IQUB: variants seen among roughly 807,000 people sequenced by gnomAD.
The protein encoded by IQUB is IQ motif and ubiquitin domain containing.
A neutral mutation model predicts 86.4 loss-of-function variants in IQUB; 86 were observed. That is an observed-to-expected ratio of 1.00 (90% confidence interval 0.84 to 1.19). The LOEUF is 1.19. Ranked by LOEUF, IQUB falls within the 50% of genes most tolerant of loss-of-function variation. The pLI is 0.00. For synonymous variants in IQUB, 289 were observed against 304.5 expected (o/e 0.95, Z 0.53); for missense variants, 946 against 916.9 (o/e 1.03, Z -0.41).
chr7:123,496,668 T>G (rs770143727), intron 7 of IQUB, 28 bp downstream of exon 7: 2 of 1,330,706 alleles, frequency 1.5e-6, no homozygotes, highest in Non-Finnish European at 2.1e-6. Context: ...TTTAAAAATA[T>G]TTTTTGCAAA....
chr7:123,502,315 G>A (rs17146047), intron 6 of IQUB: 92,534 of 345,504 alleles, frequency 0.27, 12,900 homozygotes, highest in East Asian at 0.33. Flanking sequence ...AAGATTTAAG[G>A]CCAAGGGACA....
intron 11 of IQUB, among the ~76,000 whole-genome samples, chr7:123,459,080 A>C (rs1793856423): frequency 6.6e-6 from 1 of 151,364 alleles, no homozygotes; most frequent in Admixed American, 6.6e-5. Context: ...ACCAATTACA[A>C]GGGGGGGGAA....
intron 8 of IQUB, among the ~76,000 whole-genome samples, chr7:123,478,475 A>T (rs1794846638): frequency 6.6e-6 from 1 of 152,122 alleles, no homozygotes; most frequent in Non-Finnish European, 1.5e-5. Flanking sequence ...AATGTAGATG[A>T]TGAGTTAATG....
chr7:123,461,686 A>G, intron 10 of IQUB, 81 bp from the exon 11 acceptor site: 2 of 1,208,860 alleles, frequency 1.7e-6, no homozygotes, highest in Non-Finnish European at 1.1e-6. Flanking sequence ...TGGAAGCATC[A>G]AAGGCTAACT....
At chr7:123,521,315 A>C (rs1796890138) in intron 1 of IQUB, among the ~76,000 whole-genome samples, 1 of 151,990 alleles carries the variant, frequency 6.6e-6, no homozygotes, top group Non-Finnish European at 1.5e-5. Flanking sequence ...TAGGTGTCCT[A>C]GATTGCTCCC....
chr7:123,478,919 G>A (rs1794871738), intron 8 of IQUB, among the ~76,000 whole-genome samples: 2 of 152,236 alleles, frequency 1.3e-5, no homozygotes, highest in Admixed American at 6.5e-5. Context: ...TTGGATATAT[G>A]ATGTAGAAGC....
intron 10 of IQUB, among the ~76,000 whole-genome samples, chr7:123,463,628 G>A (rs1325942500): frequency 1.3e-5 from 2 of 151,726 alleles, no homozygotes; most frequent in African/African-American, 2.4e-5. Context: ...GGATTGGGAA[G>A]TTAGGGAAAA....
chr7:123,464,959 C>A lies in IQUB; in HGVS notation c.1632G>T (p.Glu544Asp). The A allele has an allele frequency of 6.2e-7, 1 of 1,600,588 alleles. No homozygotes were observed. The highest frequency in any genetic ancestry group is 2.3e-5 in the East Asian group (1 of 44,268). The change falls in exon 10 of 13, where the codon GAG becomes GAT. Residue 544 changes from glutamate to aspartate, a missense_variant. Physicochemically the swap from Glu to Asp is conservative, Grantham distance 45. Coordinates refer to ENST00000324698, the MANE Select transcript of IQUB (RefSeq NM_178827.5). ...TQEILELIDR[E>D]VDLMMRGVKH... ...TGACTCCTCTCATCATAAGGTCAAC[C>A]TCTCTGTCAATCAATTCTAGAATTT... is the stretch of plus-strand genomic sequence containing the variant.
chr7:123,503,079 G>T lies in IQUB; in HGVS notation c.732C>A (p.Val244=). The T allele has an allele frequency of 6.2e-7, 1 of 1,613,260 alleles. No homozygotes were observed. The highest frequency in any genetic ancestry group is 1.1e-5 in the South Asian group (1 of 91,028). The change falls in exon 5 of 13, where the codon GTC becomes GTA. Residue 244 remains valine, a synonymous_variant. Coordinates refer to ENST00000324698, the MANE Select transcript of IQUB (RefSeq NM_178827.5). ...DQYQQVPVEI[V]KSDFHKPFLG... ...GAAATGGTTTGTGAAAGTCAGATTT[G>T]ACAATCTCAACAGGTACCTGCTGGT... is the stretch of plus-strand genomic sequence containing the variant.
chr7:123,472,616 A>C (rs925871015), intron 8 of IQUB, among the ~76,000 whole-genome samples: 4 of 152,230 alleles, frequency 2.6e-5, no homozygotes, highest in Non-Finnish European at 5.9e-5. Context: ...AAGGGAACCG[A>C]GTGATACAAT....
intron 12 of IQUB, 94 bp downstream of exon 12, chr7:123,457,287 T>C: frequency 6.7e-7 from 1 of 1,484,784 alleles, no homozygotes; most frequent in South Asian, 1.4e-5. Context: ...CTGATGGAAG[T>C]ATTTAAGCAT....
intron 1 of IQUB, among the ~76,000 whole-genome samples, chr7:123,525,928 C>T (rs1267700168): frequency 7.0e-6 from 1 of 142,810 alleles, no homozygotes; most frequent in Non-Finnish European, 1.5e-5. Context: ...TTTCAAAGAA[C>T]ATCTTTATTT....
At chr7:123,455,335 T>A (rs997092073) in intron 12 of IQUB, among the ~76,000 whole-genome samples, 1 of 152,070 alleles carries the variant, frequency 6.6e-6, no homozygotes, top group Non-Finnish European at 1.5e-5. Flanking sequence ...ACTCCTCCCA[T>A]CTAGCTATAA....
intron 3 of IQUB, among the ~76,000 whole-genome samples, chr7:123,508,768 T>C (rs1796297736): frequency 6.6e-6 from 1 of 152,230 alleles, no homozygotes; most frequent in African/African-American, 2.4e-5. Flanking sequence ...ACTCTGCCAC[T>C]TACAAGTTTT....
chr7:123,464,470 G>A (rs1794154140), intron 10 of IQUB, among the ~76,000 whole-genome samples: 1 of 151,856 alleles, frequency 6.6e-6, no homozygotes, highest in Admixed American at 6.6e-5. Context: ...TGAGAATTGA[G>A]TCTTAGAAAA....
chr7:123,525,649 C>A lies in IQUB; in HGVS notation c.-5+8843G>T, dbSNP rs572062178. On this transcript the variant is annotated intron_variant, in intron 1 of 12. Coordinates refer to ENST00000324698, the MANE Select transcript of IQUB (RefSeq NM_178827.5). Reference sequence around the variant, plus strand: ...CAATTTTGTTCATCCTTTCAAAAAACCAGCTCCTGGATTCATTAATTTTTT... The same window carrying A: ...CAATTTTGTTCATCCTTTCAAAAAAACAGCTCCTGGATTCATTAATTTTTT... Among the ~76,000 whole-genome samples the A allele has an allele frequency of 1.2e-4, 19 of 152,242 alleles. No homozygotes were observed. In the East Asian group the frequency reaches 3.5e-3, roughly 28 times the overall value.
chr7:123,532,572 A>C (rs1334705422), intron 1 of IQUB: 1 of 152,186 alleles, frequency 6.6e-6, no homozygotes, highest in African/African-American at 2.4e-5. Context: ...TTCAAGACAA[A>C]AAAGGCAAAA....
At chr7:123,489,728 G>A (rs918280526) in intron 7 of IQUB, among the ~76,000 whole-genome samples, 2 of 151,218 alleles carry the variant, frequency 1.3e-5, no homozygotes, top group African/African-American at 4.8e-5. Flanking sequence ...AAAAACATAA[G>A]AGATAAAAGT....
intron 1 of IQUB, among the ~76,000 whole-genome samples, chr7:123,529,827 G>A (rs11971564): frequency 0.049 from 7,432 of 150,878 alleles, 254 homozygotes; most frequent in Non-Finnish European, 0.078. Context: ...AAGGTCAGGA[G>A]ATCAAGACCA....
Sources: gnomAD v4.1 joint callset for allele counts (sites outside exome capture counted in the v4.1 genomes callset) on GRCh38, gnomAD v4.1.1 for gene constraint, MANE v1.5 for transcripts, NCBI Gene and HGNC (gene_info 2026-07-23, HGNC 2026-07-21) for gene names.